Variants in LDLRAD3 observed in about 807,000 individuals in gnomAD.
The protein encoded by LDLRAD3 is low-density lipoprotein receptor class A domain-containing protein 3.
A neutral mutation model predicts 29.4 loss-of-function variants in LDLRAD3; 20 were observed. That is an observed-to-expected ratio of 0.68 (90% CI 0.48 to 0.99). The LOEUF is 0.99. Among genes scored for constraint, LDLRAD3 ranks in the 50% least tolerant of loss-of-function variants. The pLI, the probability that LDLRAD3 is intolerant of heterozygous loss-of-function variation, is 0.00. For synonymous variants in LDLRAD3, 157 were observed against 192.7 expected (o/e 0.81, Z 1.53); for missense variants, 420 against 454.3 (o/e 0.92, Z 0.69).
Position 36,001,758 on chromosome 11 carries a change from C to CGTGTGT in LDLRAD3, c.47-34315_47-34310dup, listed in dbSNP as rs3220787. On this transcript the variant is annotated intron_variant, in intron 1 of 5. Coordinates refer to ENST00000315571, the MANE Select transcript of LDLRAD3 (RefSeq NM_174902.4). ...AGTATTCTTTCAGTTATATTGTATA[C>CGTGTGT]GTGTGTGTGTGTGTGTGTGTGTGTG... 1.5e-3 allele frequency among the ~76,000 whole-genome samples: 228 copies of CGTGTGT among 148,430 alleles called. 1 individual carries two copies. The highest frequency in any genetic ancestry group is 6.8e-3 in the Middle Eastern group (2 of 292).
intron 1 of LDLRAD3, among the ~76,000 whole-genome samples, chr11:36,018,799 T>A (rs2133195420): frequency 6.6e-6 from 1 of 152,368 alleles, no homozygotes; most frequent in South Asian, 2.1e-4. Context: ...TTCTAAACAA[T>A]GGCATTTCAC....
Position 36,114,838 on chromosome 11 carries a change from C to T in LDLRAD3, c.454+16377C>T, listed in dbSNP as rs897809637. Among the ~76,000 whole-genome samples the T allele has an allele frequency of 2.0e-5, 3 of 152,140 alleles. 1 individual carries two copies. The highest frequency in any genetic ancestry group is 7.2e-5 in the African/African-American group (3 of 41,426). On this transcript the variant is annotated intron_variant, in intron 4 of 5. Coordinates refer to ENST00000315571, the MANE Select transcript of LDLRAD3 (RefSeq NM_174902.4). ...CAGCCCTGTTACTTCTGTCTTTCTTCCACTCTCAGTGCAGCAATTTTAAAG... is the reference window on the plus strand; with the variant it reads ...CAGCCCTGTTACTTCTGTCTTTCTTTCACTCTCAGTGCAGCAATTTTAAAG...
intron 4 of LDLRAD3, among the ~76,000 whole-genome samples, chr11:36,174,744 G>C (rs1854646893): frequency 6.6e-6 from 1 of 152,202 alleles, no homozygotes; most frequent in Non-Finnish European, 1.5e-5. Context: ...TACTTTGGGA[G>C]GCTGAGGCAG....
At chr11:36,045,660 T>C (rs926875284) in intron 2 of LDLRAD3, among the ~76,000 whole-genome samples, 4 of 151,388 alleles carry the variant, frequency 2.6e-5, no homozygotes, top group Non-Finnish European at 5.9e-5. Context: ...AATTGAATCA[T>C]GGGGGTGGGT....
chr11:36,079,891 T>A (rs1001013447), intron 2 of LDLRAD3, among the ~76,000 whole-genome samples: 4 of 152,162 alleles, frequency 2.6e-5, no homozygotes, highest in African/African-American at 9.7e-5. Context: ...CCACCAAAAT[T>A]TAGAAACTTG....
At chr11:35,997,489 T>TGGTC (rs1460795862) in intron 1 of LDLRAD3, 1 of 390,222 alleles carries the variant, frequency 2.6e-6, no homozygotes, top group Non-Finnish European at 5.0e-6. Flanking sequence ...CTGTTCTGAA[T>TGGTC]GGTCAGTTTC....
intron 4 of LDLRAD3, among the ~76,000 whole-genome samples, chr11:36,174,557 TATA>T (rs1355127070): frequency 1.3e-5 from 2 of 152,126 alleles, no homozygotes; most frequent in African/African-American, 4.8e-5. Context: ...GGGCAAAGTA[TATA>T]AACAGACACT....
intron 1 of LDLRAD3, among the ~76,000 whole-genome samples, chr11:35,948,109 G>A (rs1237704445): frequency 6.6e-6 from 1 of 152,034 alleles, no homozygotes; most frequent in South Asian, 2.1e-4. Context: ...TTCTTGACCC[G>A]AATTGTAGTT....
chr11:36,191,599 T>TATATATATATAC (rs1554972506), intron 4 of LDLRAD3, among the ~76,000 whole-genome samples: 2 of 93,144 alleles, frequency 2.1e-5, no homozygotes, highest in Non-Finnish European at 4.2e-5. Context: ...TATATATATA[T>TATATATATATAC]ACACACACAC....
At chr11:36,208,990 A>G (rs1215702453) in intron 4 of LDLRAD3, among the ~76,000 whole-genome samples, 2 of 152,254 alleles carry the variant, frequency 1.3e-5, no homozygotes, top group Non-Finnish European at 2.9e-5. Context: ...TAACATCATC[A>G]GTGAATGCAT....
At position 35,991,700 on chromosome 11, in the gene LDLRAD3, G is replaced by A. The variant is rs147481904; in HGVS notation, c.47-44403G>A. Among the ~76,000 whole-genome samples the A allele has an allele frequency of 2.8e-3, 427 of 152,266 alleles. 1 individual carries two copies. The highest frequency in any genetic ancestry group is 5.0e-3 in the Non-Finnish European group (338 of 68,034). On this transcript the variant is annotated intron_variant, in intron 1 of 5. Transcript: ENST00000315571. ...ACAGATCTCTGCAGAGCTCTCCCTC[G>A]TAAGCTTCTTTGGTTACATGGCTGT...
At chr11:36,219,438 T>C (rs1423223527) in intron 4 of LDLRAD3, among the ~76,000 whole-genome samples, 4 of 152,230 alleles carry the variant, frequency 2.6e-5, no homozygotes, top group Admixed American at 2.0e-4. Flanking sequence ...AACACCCTTA[T>C]TGGCATAAAG....
intron 4 of LDLRAD3, among the ~76,000 whole-genome samples, chr11:36,116,836 C>CTTT (rs1375616154): frequency 1.6e-5 from 2 of 121,482 alleles, no homozygotes; most frequent in African/African-American, 5.6e-5. Context: ...CTTTCTTTTT[C>CTTT]TTTTTTTCTT....
intron 1 of LDLRAD3, among the ~76,000 whole-genome samples, chr11:35,992,210 A>G (rs769997524): frequency 5.3e-5 from 8 of 152,178 alleles, no homozygotes; most frequent in Non-Finnish European, 1.0e-4. Flanking sequence ...GGCTGCATGA[A>G]CAAGAATGCA....
intron 4 of LDLRAD3, among the ~76,000 whole-genome samples, chr11:36,108,248 A>C (rs551485105): frequency 1.5e-5 from 2 of 136,832 alleles, no homozygotes; most frequent in East Asian, 4.8e-4. Context: ...TGAACCCAGG[A>C]GGCAGAGCTT....
intron 1 of LDLRAD3, among the ~76,000 whole-genome samples, chr11:35,959,766 A>G (rs1851253259): frequency 6.6e-6 from 1 of 152,030 alleles, no homozygotes; most frequent in Non-Finnish European, 1.5e-5. Context: ...TACTAAAAAT[A>G]TACAGAAAAA....
At chr11:36,144,242 C>A (rs1383433232) in intron 4 of LDLRAD3, among the ~76,000 whole-genome samples, 15 of 151,880 alleles carry the variant, frequency 9.9e-5, no homozygotes, top group African/African-American at 3.6e-4. Context: ...TCAATGGTGC[C>A]CAGGCTGGAG....
chr11:36,148,114 C>T (rs1055496497), intron 4 of LDLRAD3, among the ~76,000 whole-genome samples: 7 of 152,260 alleles, frequency 4.6e-5, no homozygotes, highest in Non-Finnish European at 8.8e-5. Flanking sequence ...CAGTGATCTG[C>T]CCACCTCGGC....
At chr11:35,947,169 G>T (rs936224845) in intron 1 of LDLRAD3, among the ~76,000 whole-genome samples, 9 of 152,174 alleles carry the variant, frequency 5.9e-5, no homozygotes, top group Non-Finnish European at 7.3e-5. Context: ...GCAGTTTAGA[G>T]AATTTGGAGT....
Sources: allele counts gnomAD v4.1 joint callset (sites outside exome capture counted in the v4.1 genomes callset), GRCh38; gene constraint gnomAD v4.1.1; transcripts MANE v1.5; gene names NCBI Gene and HGNC (gene_info 2026-07-23, HGNC 2026-07-21).